Variants in GLS2 observed in about 807,000 individuals in gnomAD.
GLS2 encodes glutaminase 2.
GLS2 carries 52 observed loss-of-function variants against 79.0 expected under a neutral mutation model. The ratio of observed to expected loss-of-function variants is 0.66; its 90% confidence interval spans 0.53 to 0.83. The LOEUF is 0.83. Ranked by LOEUF, GLS2 falls within the 40% of genes least tolerant of loss-of-function variation. The pLI, the probability that GLS2 is intolerant of heterozygous loss-of-function variation, is 0.00. For synonymous variants in GLS2, 238 were observed against 280.8 expected, an observed-to-expected ratio of 0.85 and a Z score of 1.52; for missense variants, 561 against 764.8, an observed-to-expected ratio of 0.73 and a Z score of 3.14.
intron 15 of GLS2, 147 bp downstream of exon 15, chr12:56,472,543 C>A (rs868710848): frequency 1.3e-5 from 9 of 703,128 alleles, no homozygotes; most frequent in South Asian, 5.7e-5. Flanking sequence ...AAAAAAATCT[C>A]CTTTTTTAAA....
chr12:56,473,258 T>G lies in GLS2; in HGVS notation c.1419A>C (p.Leu473Phe). The change falls in exon 14 of 18, where the codon TTA becomes TTC. Residue 473 changes from leucine to phenylalanine, a missense_variant. By Grantham distance (22) the Leu-to-Phe change is conservative. Around this residue, in one of 4 missense-constraint regions of GLS2, gnomAD observed 136 missense variants for 228.6 expected, o/e 0.59. Coordinates refer to ENST00000311966, the MANE Select transcript of GLS2 (RefSeq NM_013267.4). ...TTTCTGCCCCTTCACGCCGTGGGTC[T>G]AACTTCCGAGCACAGTGCCTCAGGT... The part of the protein sequence containing the change: ...YDNLRHCARK[L>F]DPRREGAEIR... 1 of 1,614,172 alleles carries G rather than the reference T, an allele frequency of 6.2e-7. No homozygotes were observed. Among genetic ancestry groups the G allele is most frequent in the Non-Finnish European group, 8.5e-7 (1 of 1,180,038 alleles).
intron 14 of GLS2, 56 bp downstream of exon 14, chr12:56,473,166 GGCGTGA>G (rs1869465742): frequency 1.3e-6 from 2 of 1,485,864 alleles, no homozygotes; most frequent in Non-Finnish European, 1.9e-6. Context: ...AGGGATTACA[GGCGTGA>G]GCCACCGCAC....
chr12:56,485,851 G>A (rs1174353971), intron 1 of GLS2, among the ~76,000 whole-genome samples: 1 of 151,828 alleles, frequency 6.6e-6, no homozygotes, highest in African/African-American at 2.4e-5. Context: ...AGACCAGCCT[G>A]GCCAACATGG....
At position 56,471,493 on chromosome 12, in the gene GLS2, C is replaced by T; in HGVS notation, c.1803G>A (p.Met601Ile). ...GGCTGTCCATGACCTGTGCTCATAC[C>T]ATGCTTTCTAAGTTCTCTTTGGACA... ...EALSKENLES[M>I]V Residue 601 changes from methionine (M) to isoleucine (I), a missense_variant, in exon 18 of 18, where the codon ATG (methionine) becomes ATA (isoleucine). Met to Ile is a conservative substitution (Grantham distance 10). Coordinates refer to ENST00000311966, the MANE Select transcript of GLS2 (RefSeq NM_013267.4). 1 of 1,612,628 alleles carries T rather than the reference C, an allele frequency of 6.2e-7. No individual in the cohort carries two copies. The highest frequency in any genetic ancestry group is 8.5e-7 in the Non-Finnish European group (1 of 1,179,270).
intron 1 of GLS2, among the ~76,000 whole-genome samples, chr12:56,482,683 T>A (rs1051682394): frequency 6.6e-6 from 1 of 152,236 alleles, no homozygotes; most frequent in African/African-American, 2.4e-5. Flanking sequence ...TCTCTCTGGC[T>A]TATAACACCT....
rs1372362125 is a variant in GLS2, at chr12:56,475,814, A to T, written c.870+131T>A. On this transcript the variant is annotated intron_variant, in intron 8 of 17. Transcript: ENST00000311966. ...CTCTCTGAGGCCAGCAGATTTCCACATTTCTGGAAATAAGGCTTCTAGTAT... is the reference window on the plus strand; with the variant it reads ...CTCTCTGAGGCCAGCAGATTTCCACTTTTCTGGAAATAAGGCTTCTAGTAT... 2.1e-6 allele frequency: 3 copies of T among 1,408,828 alleles called. No individual in the cohort carries two copies. The East Asian group carries it at 6.8e-5, about 32-fold the overall frequency. 87.3% of individuals were successfully genotyped at this position (1,408,828 alleles called of 1,614,324 possible).
intron 14 of GLS2, 72 bp downstream of exon 14, chr12:56,473,156 A>T (rs554271890): frequency 1.4e-4 from 189 of 1,394,090 alleles, no homozygotes; most frequent in Middle Eastern, 9.2e-4. Context: ...CTCAAAGTGC[A>T]GGGATTACAG....
At position 56,475,609 on chromosome 12, in the gene GLS2, T is replaced by A. The variant is rs2136183969; in HGVS notation, c.929+15A>T. 6.2e-7 allele frequency: 1 copy of A among 1,613,568 alleles called. No individual in the cohort carries two copies. Reference sequence around the variant, plus strand: ...ACCACAATGCTTTCAGTCAGTCCTCTGAGTAGGGACTTACGTGGCATTGCT... The same window carrying A: ...ACCACAATGCTTTCAGTCAGTCCTCAGAGTAGGGACTTACGTGGCATTGCT... On this transcript the variant is annotated intron_variant, in intron 9 of 17. Coordinates refer to ENST00000311966, the MANE Select transcript of GLS2 (RefSeq NM_013267.4).
In GLS2 at chr12:56,474,625, C is replaced by T; in HGVS notation, c.1143G>A (p.Leu381=). 1 of 1,614,206 alleles carries T rather than the reference C, an allele frequency of 6.2e-7. No homozygotes were observed. Among genetic ancestry groups the T allele is most frequent in the Middle Eastern group, 1.7e-4 (1 of 6,058 alleles). The change falls in exon 12 of 18, where the codon CTG becomes CTA. Residue 381 remains leucine, a synonymous_variant. Coordinates refer to ENST00000311966, the MANE Select transcript of GLS2 (RefSeq NM_013267.4). ...GICPITGESV[L]SAEAVRNTLS... is the part of the protein sequence containing the mutation. The stretch of plus-strand genomic sequence containing the variant: ...GGGTGTTGCGCACTGCTTCAGCACT[C>T]AGCACACTCTCGCCTGTGATGGGGC...
rs756613672 is a variant in GLS2, at chr12:56,483,083, C to CT, written c.183-2697dup. On this transcript the variant is annotated intron_variant, in intron 1 of 17. Transcript: ENST00000311966. ...TGTTTTTTCTTTTTTCTTTTTCTTT[C>CT]TTTTTTTTTTTTTTTGAGACGGAGT... Among the ~76,000 whole-genome samples, 1,139 of 141,156 alleles carry CT rather than the reference C, an allele frequency of 8.1e-3. 7 individuals are homozygous for CT. The highest frequency in any genetic ancestry group is 0.019 in the East Asian group (91 of 4,874). 92.6% of individuals were successfully genotyped at this position (141,156 alleles called of 152,430 possible).
At chr12:56,474,250 C>T (rs565447844) in intron 12 of GLS2, 31 of 373,096 alleles carry the variant, frequency 8.3e-5, no homozygotes, top group East Asian at 1.4e-4. Flanking sequence ...CCACCACCCC[C>T]GGCTAATTTT....
At chr12:56,474,200 C>G in intron 12 of GLS2, 1 of 302,280 alleles carries the variant, frequency 3.3e-6, no homozygotes, top group Non-Finnish European at 6.3e-6. Context: ...TCAAGCACTT[C>G]TGCCTCAGCC....
Position 56,475,045 on chromosome 12 carries a change from T to C in GLS2, c.995A>G (p.Lys332Arg). ...TCTCTTCCGGCCTCTTCTGGTTACC[T>C]TCTTTTCCTTGAGATAATAGCCGAT... The part of the protein sequence containing the change: ...YAIGYYLKEK[K>R]CFPKGVDMMA... Residue 332 changes from lysine to arginine, a missense_variant and splice_region_variant, in exon 10 of 18, where the codon AAG becomes AGG. Physicochemically the swap from Lys to Arg is conservative, Grantham distance 26. Coordinates refer to ENST00000311966, the MANE Select transcript of GLS2 (RefSeq NM_013267.4). 3 of 1,614,178 alleles carry C rather than the reference T, an allele frequency of 1.9e-6. No homozygotes were observed. The highest frequency in any genetic ancestry group is 2.5e-6 in the Non-Finnish European group (3 of 1,180,042).
chr12:56,479,196 C>T lies in GLS2; in HGVS notation c.405-15G>A, dbSNP rs373424801. ...TGCTCACACACCTGGATCCCAGACACGATTGGATTAGGGGGCTAGAGAAAT... is the reference window on the plus strand; with the variant it reads ...TGCTCACACACCTGGATCCCAGACATGATTGGATTAGGGGGCTAGAGAAAT... On this transcript the variant is annotated splice_polypyrimidine_tract_variant and intron_variant, in intron 3 of 17. Coordinates refer to ENST00000311966, the MANE Select transcript of GLS2 (RefSeq NM_013267.4). The T allele has an allele frequency of 1.8e-5, 29 of 1,612,062 alleles. 1 individual carries two copies. Among genetic ancestry groups the T allele is most frequent in the Middle Eastern group, 3.3e-4 (2 of 6,060 alleles).
chr12:56,473,730 T>TA, intron 12 of GLS2, 136 bp from the exon 13 acceptor site: 1 of 1,046,536 alleles, frequency 9.6e-7, no homozygotes, highest in Non-Finnish European at 1.3e-6. Flanking sequence ...GCTTGTTAAT[T>TA]AGCTTCTTTT....
At chr12:56,476,704 C>G (rs927922868) in intron 7 of GLS2, 1 of 151,454 alleles carries the variant, frequency 6.6e-6, no homozygotes, top group Non-Finnish European at 1.5e-5. Flanking sequence ...ATACCATTCT[C>G]CTGCCTTAGC....
intron 12 of GLS2, 45 bp from the exon 13 acceptor site, chr12:56,473,639 A>C: frequency 6.4e-7 from 1 of 1,571,410 alleles, no homozygotes; most frequent in Non-Finnish European, 8.6e-7. Flanking sequence ...GTGTGCCCCA[A>C]ATCAGAAAAT....
chr12:56,476,146 G>C, intron 7 of GLS2, 169 bp from the exon 8 acceptor site: 1 of 615,366 alleles, frequency 1.6e-6, no homozygotes, highest in Non-Finnish European at 2.8e-6. Context: ...CACTTCCATT[G>C]GCTCCTCTCT....
intron 7 of GLS2, chr12:56,476,345 A>C: frequency 7.5e-6 from 2 of 266,842 alleles, no homozygotes; most frequent in South Asian, 4.3e-5. Flanking sequence ...TCCATTCTCA[A>C]TCCAAACCCT....
Sources: allele counts gnomAD v4.1 joint callset (sites outside exome capture counted in the v4.1 genomes callset), GRCh38; gene constraint gnomAD v4.1.1; regional missense constraint gnomAD v4.1.1; transcripts MANE v1.5; gene names NCBI Gene and HGNC (gene_info 2026-07-23, HGNC 2026-07-21).